FGF10: variants seen among roughly 807,000 people sequenced by gnomAD.
The protein encoded by FGF10 is fibroblast growth factor 10.
FGF10 carries 2 observed loss-of-function variants against 19.8 expected under a neutral mutation model. The observed-to-expected ratio is 0.10, with a 90% confidence interval of 0.04 to 0.32. FGF10 has a LOEUF of 0.32. Ranked by LOEUF, FGF10 falls within the 10% of genes least tolerant of loss-of-function variation. The pLI is 1.00. For synonymous variants in FGF10, 112 were observed against 94.0 expected (o/e 1.19, Z -1.10); for missense variants, 191 against 246.3 (o/e 0.78, Z 1.50).
intron 1 of FGF10, among the ~76,000 whole-genome samples, chr5:44,347,391 A>G (rs1335421928): frequency 3.3e-5 from 5 of 151,646 alleles, no homozygotes; most frequent in Admixed American, 6.6e-5. Flanking sequence ...CCTTTATAAT[A>G]TGGTAACTTT....
chr5:44,337,529 T>C (rs772174368), intron 1 of FGF10, among the ~76,000 whole-genome samples: 1 of 152,240 alleles, frequency 6.6e-6, no homozygotes, highest in Non-Finnish European at 1.5e-5. Context: ...AATAATCTAC[T>C]GAAAACATTT....
At chr5:44,338,600 T>C (rs1227243451) in intron 1 of FGF10, among the ~76,000 whole-genome samples, 1 of 152,186 alleles carries the variant, frequency 6.6e-6, no homozygotes, top group East Asian at 1.9e-4. Context: ...AGCAAAGCTT[T>C]TCCCTTGTCT....
At chr5:44,332,176 G>A (rs1195072557) in intron 1 of FGF10, among the ~76,000 whole-genome samples, 1 of 152,080 alleles carries the variant, frequency 6.6e-6, no homozygotes, top group African/African-American at 2.4e-5. Context: ...GTTGGTAGAA[G>A]TTCCAGCTTT....
At chr5:44,309,186 T>A (rs773590599) in intron 2 of FGF10, among the ~76,000 whole-genome samples, 9 of 152,170 alleles carry the variant, frequency 5.9e-5, no homozygotes, top group Non-Finnish European at 1.3e-4. Flanking sequence ...ATATATAATA[T>A]TACATGTCCT....
rs370411225 is a variant in FGF10, at chr5:44,337,661, G to T, written c.326-27131C>A. Among the ~76,000 whole-genome samples, 6 of 152,284 alleles carry T rather than the reference G, an allele frequency of 3.9e-5. No homozygotes were observed. The South Asian group carries it at 1.2e-3, about 32-fold the overall frequency. On this transcript the variant is annotated intron_variant, in intron 1 of 2. Coordinates refer to ENST00000264664, the MANE Select transcript of FGF10 (RefSeq NM_004465.2). ...TTTGGACATTAAAAAGCATATTAGG[G>T]CCCAGCGTGGTGGCTCACGCCTGTA...
intron 2 of FGF10, among the ~76,000 whole-genome samples, chr5:44,307,624 C>A (rs1740114068): frequency 6.6e-6 from 1 of 151,888 alleles, no homozygotes; most frequent in Admixed American, 6.6e-5. Context: ...GAATCTTTGC[C>A]CAAGTCAGAT....
chr5:44,337,134 A>ATT (rs59140318), intron 1 of FGF10, among the ~76,000 whole-genome samples: 31,352 of 151,840 alleles, frequency 0.21, 3,412 homozygotes, highest in Admixed American at 0.31. Flanking sequence ...ATGTTATTAC[A>ATT]TTTTTTTTCT....
chr5:44,339,102 A>G (rs1740913510), intron 1 of FGF10, among the ~76,000 whole-genome samples: 1 of 152,218 alleles, frequency 6.6e-6, no homozygotes, highest in African/African-American at 2.4e-5. Context: ...TATGATTTAA[A>G]GAGGGTATTT....
chr5:44,340,041 G>A (rs1389376984), intron 1 of FGF10, among the ~76,000 whole-genome samples: 1 of 152,078 alleles, frequency 6.6e-6, no homozygotes, highest in Non-Finnish European at 1.5e-5. Context: ...CCTCATCTTT[G>A]TCCCAGTGAC....
rs148334875 is a variant in FGF10 at position 44,304,298 on chromosome 5, A to G, written c.*697T>C. 6.6e-6 allele frequency: 1 copy of G among 152,362 alleles called. No homozygotes were observed. The highest frequency in any genetic ancestry group is 1.9e-4 in the East Asian group (1 of 5,180). 9.4% of individuals were successfully genotyped at this position (152,362 alleles called of 1,614,324 possible). A position where few individuals can be genotyped will look rare whatever the true frequency, so the allele number is the denominator to read the frequency against. On this transcript the variant is annotated 3_prime_UTR_variant, in exon 3 of 3. Transcript: ENST00000264664. Reference sequence around the variant, plus strand: ...GTGTGCTGAATAAAAAGAAAAGATAAATCAGAAGACAGCTGCTGAGATACT... The same window carrying G: ...GTGTGCTGAATAAAAAGAAAAGATAGATCAGAAGACAGCTGCTGAGATACT...
chr5:44,359,861 C>G (rs1456242775), intron 1 of FGF10, among the ~76,000 whole-genome samples: 1 of 151,452 alleles, frequency 6.6e-6, no homozygotes, highest in Non-Finnish European at 1.5e-5. Context: ...CTAACCCTTC[C>G]AAGTCTCATG....
At chr5:44,330,343 CTAAG>C (rs941505351) in intron 1 of FGF10, among the ~76,000 whole-genome samples, 5 of 152,070 alleles carry the variant, frequency 3.3e-5, no homozygotes, top group Non-Finnish European at 7.4e-5. Flanking sequence ...TAAAATTCAC[CTAAG>C]TAAGTATAAC....
chr5:44,320,478 C>G (rs141630784), intron 1 of FGF10, among the ~76,000 whole-genome samples: 1 of 152,048 alleles, frequency 6.6e-6, no homozygotes, highest in Non-Finnish European at 1.5e-5. Context: ...GATGCAACAG[C>G]GGAAGACTTC....
At chr5:44,375,486 A>G (rs2111897154) in intron 1 of FGF10, among the ~76,000 whole-genome samples, 1 of 152,312 alleles carries the variant, frequency 6.6e-6, no homozygotes, top group Non-Finnish European at 1.5e-5. Context: ...TAGAACTGAA[A>G]TCAACATAAA....
chr5:44,387,084 TG>T (rs1048178766), intron 1 of FGF10, among the ~76,000 whole-genome samples: 1 of 152,218 alleles, frequency 6.6e-6, no homozygotes, highest in African/African-American at 2.4e-5. Context: ...TAATGCCAAA[TG>T]GTCACTAAAG....
chr5:44,375,190 G>T (rs910752994), intron 1 of FGF10, among the ~76,000 whole-genome samples: 1 of 152,184 alleles, frequency 6.6e-6, no homozygotes, highest in African/African-American at 2.4e-5. Context: ...TTAAGTGCAT[G>T]CATGTAAAAG....
At chr5:44,342,578 G>A (rs573664555) in intron 1 of FGF10, among the ~76,000 whole-genome samples, 34 of 151,620 alleles carry the variant, frequency 2.2e-4, no homozygotes, top group Non-Finnish European at 1.8e-4. Flanking sequence ...CCACGTATAG[G>A]TTAAGCACTC....
intron 1 of FGF10, among the ~76,000 whole-genome samples, chr5:44,361,537 C>T (rs1372591782): frequency 1.3e-5 from 2 of 151,496 alleles, no homozygotes; most frequent in Non-Finnish European, 3.0e-5. Context: ...AGTAAGAGTT[C>T]CACTCCAGAT....
chr5:44,388,555 T>C lies in FGF10; in HGVS notation c.128A>G (p.Asp43Gly), dbSNP rs1409855200. The change falls in exon 1 of 3, where the codon GAC (aspartate) becomes GGC (glycine). Residue 43 changes from aspartate (D) to glycine (G), a missense_variant. Physicochemically the swap from Asp to Gly is moderately conservative, Grantham distance 94 (BLOSUM62 -1). This residue lies in a region of FGF10 where 92 missense variants were observed against 84.6 expected (regional missense o/e 1.09). Coordinates refer to ENST00000264664, the MANE Select transcript of FGF10 (RefSeq NM_004465.2). ...GTTGGTGGCCTCTGGTGACACCATGTCCTGACCAAGGGCTTGGCAGGTGAC... is the reference window on the plus strand; with the variant it reads ...GTTGGTGGCCTCTGGTGACACCATGCCCTGACCAAGGGCTTGGCAGGTGAC... ...VPVTCQALGQ[D>G]MVSPEATNSS... 1 of 1,614,118 alleles carries C rather than the reference T, an allele frequency of 6.2e-7. No individual in the cohort carries two copies. Among genetic ancestry groups the C allele is most frequent in the Admixed American group, 1.7e-5 (1 of 60,018 alleles).
Sources: allele counts gnomAD v4.1 joint callset (sites outside exome capture counted in the v4.1 genomes callset), GRCh38; gene constraint gnomAD v4.1.1; regional missense constraint gnomAD v4.1.1; transcripts MANE v1.5; gene names NCBI Gene and HGNC (gene_info 2026-07-23, HGNC 2026-07-21).